Variants in DIAPH3 observed in about 807,000 individuals in gnomAD.
DIAPH3 encodes the protein protein diaphanous homolog 3.
A neutral mutation model predicts 144.3 loss-of-function variants in DIAPH3; 117 were observed. The observed-to-expected ratio is 0.81, with a 90% CI of 0.70 to 0.95. The LOEUF (loss-of-function observed/expected upper bound fraction) is 0.95. Among genes scored for constraint, DIAPH3 ranks in the 40% least tolerant of loss-of-function variants. DIAPH3 has a pLI of 0.00. For synonymous variants in DIAPH3, 519 were observed against 488.9 expected (o/e 1.06, Z -0.81); for missense variants, 1,421 against 1,412.7 (o/e 1.01, Z -0.09).
chr13:59,880,065 G>A (rs1290275169), intron 20 of DIAPH3, among the ~76,000 whole-genome samples: 1 of 152,118 alleles, frequency 6.6e-6, no homozygotes, highest in Non-Finnish European at 1.5e-5. Context: ...AGGAAACATG[G>A]GAGTAGTAGC....
intron 17 of DIAPH3, among the ~76,000 whole-genome samples, chr13:59,943,199 T>A (rs2048626556): frequency 6.6e-6 from 1 of 152,212 alleles, no homozygotes. Flanking sequence ...TATTTCTTAA[T>A]GTCAACGAAG....
At chr13:59,964,362 G>A (rs557652284) in intron 17 of DIAPH3, among the ~76,000 whole-genome samples, 2 of 151,964 alleles carry the variant, frequency 1.3e-5, no homozygotes, top group Non-Finnish European at 2.9e-5. Flanking sequence ...CTATGTGTAT[G>A]TACATACACA....
At chr13:60,053,363 A>T (rs886903843) in intron 4 of DIAPH3, among the ~76,000 whole-genome samples, 26 of 152,270 alleles carry the variant, frequency 1.7e-4, no homozygotes, top group African/African-American at 6.3e-4. Flanking sequence ...ACATCACAAA[A>T]ATTAGAAGGA....
intron 3 of DIAPH3, among the ~76,000 whole-genome samples, chr13:60,099,907 A>G (rs927626566): frequency 1.9e-5 from 2 of 104,810 alleles, no homozygotes; most frequent in Non-Finnish European, 3.9e-5. Context: ...AGAAAGTAAG[A>G]GAAGGAAGGA....
chr13:59,872,190 T>A (rs1041716882), intron 21 of DIAPH3, among the ~76,000 whole-genome samples: 1 of 152,206 alleles, frequency 6.6e-6, no homozygotes, highest in Non-Finnish European at 1.5e-5. Flanking sequence ...TTTCTTATTT[T>A]CTAATATAGG....
At chr13:59,734,451 T>C (rs2036038650) in intron 27 of DIAPH3, among the ~76,000 whole-genome samples, 1 of 152,220 alleles carries the variant, frequency 6.6e-6, no homozygotes, top group Non-Finnish European at 1.5e-5. Context: ...AATTATTGAA[T>C]TGATGAGTAG....
At chr13:59,740,018 G>A (rs2036367465) in intron 27 of DIAPH3, among the ~76,000 whole-genome samples, 1 of 152,134 alleles carries the variant, frequency 6.6e-6, no homozygotes, top group Admixed American at 6.5e-5. Context: ...ACTATGCCAT[G>A]TTTGTAGGAG....
chr13:59,753,782 G>C (rs918619609), intron 27 of DIAPH3, among the ~76,000 whole-genome samples: 1 of 152,054 alleles, frequency 6.6e-6, no homozygotes, highest in African/African-American at 2.4e-5. Context: ...AACAAAATAT[G>C]GTACCTGAAA....
At chr13:59,802,598 A>G (rs941589216) in intron 25 of DIAPH3, among the ~76,000 whole-genome samples, 7 of 141,174 alleles carry the variant, frequency 5.0e-5, no homozygotes, top group African/African-American at 1.8e-4. Context: ...TTTTTTTTTA[A>G]TCTGTCTCTT....
chr13:60,055,888 T>C (rs540346069), intron 4 of DIAPH3, among the ~76,000 whole-genome samples: 27 of 151,874 alleles, frequency 1.8e-4, no homozygotes, highest in Non-Finnish European at 3.0e-4. Flanking sequence ...AGAGACTAAG[T>C]GACAATTTTT....
chr13:60,101,136 T>G (rs2058256639), intron 3 of DIAPH3, among the ~76,000 whole-genome samples: 1 of 152,220 alleles, frequency 6.6e-6, no homozygotes, highest in Non-Finnish European at 1.5e-5. Flanking sequence ...TAAACATTCA[T>G]AAGCATTACT....
intron 18 of DIAPH3, among the ~76,000 whole-genome samples, chr13:59,918,328 A>C (rs2047335410): frequency 6.6e-6 from 1 of 151,862 alleles, no homozygotes; most frequent in Non-Finnish European, 1.5e-5. Context: ...ATGCTCATGG[A>C]CTCTGATTCC....
chr13:60,108,801 A>G (rs2058488985), intron 3 of DIAPH3, among the ~76,000 whole-genome samples: 2 of 152,160 alleles, frequency 1.3e-5, no homozygotes, highest in South Asian at 4.1e-4. Flanking sequence ...TAATGAGATC[A>G]ACTATGACTC....
chr13:59,793,604 A>G (rs2039434074), intron 25 of DIAPH3, among the ~76,000 whole-genome samples: 1 of 152,048 alleles, frequency 6.6e-6, no homozygotes, highest in Admixed American at 6.5e-5. Context: ...TACTACTTTC[A>G]TGTGACTCCC....
chr13:59,870,596 C>A (rs1456702551), intron 21 of DIAPH3, among the ~76,000 whole-genome samples: 6 of 151,350 alleles, frequency 4.0e-5, no homozygotes, highest in African/African-American at 1.5e-4. Flanking sequence ...CTGAGACATG[C>A]TTTCTATGAA....
intron 27 of DIAPH3, among the ~76,000 whole-genome samples, chr13:59,757,690 G>A (rs1021801172): frequency 3.3e-5 from 5 of 151,942 alleles, no homozygotes; most frequent in South Asian, 2.1e-4. Flanking sequence ...GTGAGCCACC[G>A]CGCCCGGCCT....
intron 5 of DIAPH3, among the ~76,000 whole-genome samples, chr13:60,026,120 A>G (rs1452349543): frequency 1.3e-5 from 2 of 152,180 alleles, no homozygotes; most frequent in African/African-American, 4.8e-5. Flanking sequence ...CCACCTAGTC[A>G]GCTAATTCAA....
intron 11 of DIAPH3, 70 bp downstream of exon 11, chr13:59,991,998 G>C (rs887900444): frequency 8.5e-7 from 1 of 1,180,386 alleles, no homozygotes; most frequent in Non-Finnish European, 1.3e-6. Flanking sequence ...CTAAATATTT[G>C]TGGCTGAGTA....
intron 24 of DIAPH3, among the ~76,000 whole-genome samples, chr13:59,824,981 A>G (rs1449273165): frequency 6.6e-6 from 1 of 152,142 alleles, no homozygotes; most frequent in East Asian, 1.9e-4. Flanking sequence ...GCAAACTCAG[A>G]GAGTCCACAT....
Sources: allele counts gnomAD v4.1 joint callset (sites outside exome capture counted in the v4.1 genomes callset), GRCh38; gene constraint gnomAD v4.1.1; transcripts MANE v1.5; gene names NCBI Gene and HGNC (gene_info 2026-07-23, HGNC 2026-07-21).